The following ATAD3B variants were observed in gnomAD, a reference collection of about 807,000 sequenced individuals.
ATAD3B encodes the protein ATPase family AAA domain-containing protein 3B.
ATAD3B carries 59 observed loss-of-function variants against 70.2 expected under a neutral mutation model. That is an observed-to-expected ratio of 0.84 (90% CI 0.68 to 1.04). The LOEUF (loss-of-function observed/expected upper bound fraction) is 1.04, where lower values mean the gene tolerates loss of function less well. Ranked by LOEUF, ATAD3B falls within the 50% of genes least tolerant of loss-of-function variation. The pLI is 0.00. For missense variants in ATAD3B, 961 were observed against 913.4 expected (o/e 1.05, Z -0.67); for synonymous variants, 423 against 388.6 (o/e 1.09, Z -1.04).
Position 1,496,090 on chromosome 1 carries a change from C to T in ATAD3B, c.*273C>T, listed in dbSNP as rs539412525. ...CCTGAACCCTGCTTCCAGCCATGGC[C>T]AGGGGCCACGGAACCCGGCAGGGGT... On this transcript the variant is annotated 3_prime_UTR_variant, in exon 16 of 16. Coordinates refer to ENST00000673477, the MANE Select transcript of ATAD3B (RefSeq NM_031921.6). The T allele has an allele frequency of 2.3e-5, 28 of 1,207,186 alleles. No homozygotes were observed. Among genetic ancestry groups the T allele is most frequent in the East Asian group, 3.6e-5 (1 of 27,858 alleles). 74.8% of individuals were successfully genotyped at this position (1,207,186 alleles called of 1,614,324 possible).
intron 8 of ATAD3B, among the ~76,000 whole-genome samples, chr1:1,485,374 G>A (rs898714100): frequency 2.2e-4 from 33 of 152,052 alleles, no homozygotes; most frequent in African/African-American, 7.2e-4. Context: ...TGTCTGCCTC[G>A]GTGTCCCTTG....
chr1:1,490,723 G>A (rs1640501216), intron 15 of ATAD3B, 52 bp downstream of exon 15: 1 of 1,540,752 alleles, frequency 6.5e-7, no homozygotes, highest in Non-Finnish European at 8.8e-7. Flanking sequence ...CTGCTGTGGA[G>A]ATGCTCAGTT....
chr1:1,499,058 A>G (rs1206934265), downstream of ATAD3B, among the ~76,000 whole-genome samples: 7 of 144,608 alleles, frequency 4.8e-5, no homozygotes, highest in African/African-American at 7.8e-5. Context: ...TGCAAGCTCC[A>G]CCTCCCGGGT....
In ATAD3B at chr1:1,486,352, T is replaced by C. The variant is rs922468919; in HGVS notation, c.1089+117T>C. On this transcript the variant is annotated intron_variant, in intron 10 of 15. Transcript: ENST00000673477. ...ACCCCCCTTAGGCCTTTGCCTACCCTCGTGTAGGCTCAGGGTGCTGGTGTG... is the reference window on the plus strand; with the variant it reads ...ACCCCCCTTAGGCCTTTGCCTACCCCCGTGTAGGCTCAGGGTGCTGGTGTG... 7 of 1,589,994 alleles carry C rather than the reference T, an allele frequency of 4.4e-6. No homozygotes were observed. The African/African-American group carries it at 8.2e-5, about 19-fold the overall frequency.
In ATAD3B at chr1:1,487,717, C is replaced by T. The variant is rs1029055659; in HGVS notation, c.1215-146C>T. The T allele has an allele frequency of 2.5e-5, 25 of 1,015,502 alleles. 1 individual carries two copies. Among genetic ancestry groups the T allele is most frequent in the African/African-American group, 2.2e-4 (14 of 64,248 alleles). 62.9% of individuals were successfully genotyped at this position (1,015,502 alleles called of 1,614,324 possible). A position where few individuals can be genotyped will look rare whatever the true frequency, so the allele number is the denominator to read the frequency against. ...AGAGGCCAGGCTGATCGGCTTCTGT[C>T]GAGTCCAGGACTTAGGGCTCCTGAT... is the stretch of plus-strand genomic sequence containing the variant. On this transcript the variant is annotated intron_variant, in intron 11 of 15. Coordinates refer to ENST00000673477, the MANE Select transcript of ATAD3B (RefSeq NM_031921.6).
chr1:1,503,664 G>T, the ATAD3B span: 45 of 1,611,600 alleles, frequency 2.8e-5, no homozygotes, highest in Non-Finnish European at 3.7e-5. Flanking sequence ...AGCTCAAAGT[G>T]AGTGGGGCCG....
At chr1:1,479,626 GCT>G (rs1639794258) in intron 4 of ATAD3B, among the ~76,000 whole-genome samples, 1 of 136,182 alleles carries the variant, frequency 7.3e-6, no homozygotes, top group Non-Finnish European at 1.6e-5. Context: ...ACAGGGGCAT[GCT>G]CACACAGCCC....
chr1:1,479,521 AAC>A (rs1402442883), intron 4 of ATAD3B, among the ~76,000 whole-genome samples: 1 of 135,932 alleles, frequency 7.4e-6, no homozygotes, highest in Non-Finnish European at 1.6e-5. Flanking sequence ...GACACCCGCA[AAC>A]ACACCCCCAC....
At chr1:1,503,282 C>T in the ATAD3B span, 2 of 334,890 alleles carry the variant, frequency 6.0e-6, no homozygotes, top group African/African-American at 4.1e-5. Context: ...CTTTACCCAT[C>T]GCCTGACTTT....
chr1:1,497,320 C>T lies in ATAD3B; in HGVS notation c.*1503C>T, dbSNP rs1640825340. On this transcript the variant is annotated 3_prime_UTR_variant, in exon 16 of 16. Coordinates refer to ENST00000673477, the MANE Select transcript of ATAD3B (RefSeq NM_031921.6). ...GACCTCCCAGGCTCAAGTGATCCTC[C>T]TGCCTCAGCCTGTCCAGTAGCCATA... The T allele has an allele frequency of 6.8e-6, 1 of 147,904 alleles. No homozygotes were observed. The highest frequency in any genetic ancestry group is 1.5e-5 in the Non-Finnish European group (1 of 67,250). The allele number at this position is 147,904 out of a possible 1,614,324, so 9.2% of individuals were successfully genotyped here.
intron 15 of ATAD3B, among the ~76,000 whole-genome samples, chr1:1,491,083 CT>C (rs1640517921): frequency 6.6e-6 from 1 of 151,908 alleles, no homozygotes; most frequent in Non-Finnish European, 1.5e-5. Context: ...GACCAGGTCC[CT>C]TGGCTTGGTC....
At chr1:1,472,797 A>G (rs1639397542) in intron 1 of ATAD3B, among the ~76,000 whole-genome samples, 1 of 152,042 alleles carries the variant, frequency 6.6e-6, no homozygotes. Context: ...TTGAAAGAAT[A>G]CAGTGGTTCT....
downstream of ATAD3B, among the ~76,000 whole-genome samples, chr1:1,500,905 C>T (rs1028499063): frequency 3.3e-5 from 5 of 151,824 alleles, 1 homozygote; most frequent in South Asian, 4.2e-4. Flanking sequence ...TACAGTGAGC[C>T]GAGATTGCGG....
At position 1,494,089 on chromosome 1, in the gene ATAD3B, G is replaced by T. The variant is rs756241165; in HGVS notation, c.1615-1396G>T. On this transcript the variant is annotated intron_variant, in intron 15 of 15. Transcript: ENST00000673477. ...AAGATCTTAGGTTCCCAGAAAAATT[G>T]CAAGGGTAGCACAGAGAGCTCCCGG... 5.3e-5 allele frequency among the ~76,000 whole-genome samples: 8 copies of T among 151,980 alleles called. 2 individuals are homozygous for T. The South Asian group carries it at 1.5e-3, about 28-fold the overall frequency.
chr1:1,472,930 C>T (rs914202911), intron 1 of ATAD3B, among the ~76,000 whole-genome samples: 4 of 150,546 alleles, frequency 2.7e-5, no homozygotes, highest in Non-Finnish European at 5.9e-5. Flanking sequence ...GCCTCCGATT[C>T]TCCTGCCGCA....
chr1:1,485,336 G>C (rs1056217013), intron 8 of ATAD3B, among the ~76,000 whole-genome samples, 165 bp downstream of exon 8: 3 of 152,104 alleles, frequency 2.0e-5, no homozygotes, highest in Admixed American at 6.5e-5. Flanking sequence ...CTGTACCTTA[G>C]GGGTCTGCAT....
chr1:1,488,045 CCTGGGTTCAAG>C, intron 12 of ATAD3B, 131 bp downstream of exon 12: 2 of 1,321,514 alleles, frequency 1.5e-6, no homozygotes. Context: ...ACCTCTGCCT[CCTGGGTTCAAG>C]CTGCTCTCCT....
chr1:1,478,800 G>T, intron 3 of ATAD3B, 55 bp downstream of exon 3: 2 of 1,332,540 alleles, frequency 1.5e-6, no homozygotes, highest in Non-Finnish European at 2.0e-6. Context: ...AGCGGCCTGG[G>T]GCAGGACTGG....
At chr1:1,500,187 C>T (rs1038577777), downstream of ATAD3B, among the ~76,000 whole-genome samples, 6 of 150,208 alleles carry the variant, frequency 4.0e-5, no homozygotes, top group East Asian at 2.0e-4. Flanking sequence ...CGTGAGCCAC[C>T]GCACCCGGCC....
Sources: allele counts gnomAD v4.1 joint callset (sites outside exome capture counted in the v4.1 genomes callset), GRCh38; gene constraint gnomAD v4.1.1; transcripts MANE v1.5; gene names NCBI Gene and HGNC (gene_info 2026-07-23, HGNC 2026-07-21).